KCNAB1: variants seen among roughly 807,000 people sequenced by gnomAD.
The protein encoded by KCNAB1 is potassium voltage-gated channel subfamily A regulatory beta subunit 1.
KCNAB1 carries 35 observed loss-of-function variants against 64.6 expected under a neutral mutation model. That is an observed-to-expected ratio of 0.54 (90% CI 0.41 to 0.72). The LOEUF is 0.72. Among genes scored for constraint, KCNAB1 ranks in the 30% least tolerant of loss-of-function variants. The pLI, the probability that KCNAB1 is intolerant of heterozygous loss-of-function variation, is 0.00. For synonymous variants in KCNAB1, 177 were observed against 183.8 expected (o/e 0.96, Z 0.30); for missense variants, 401 against 512.9 (o/e 0.78, Z 2.11).
At chr3:156,320,709 G>T (rs1180631613) in intron 1 of KCNAB1, among the ~76,000 whole-genome samples, 2 of 152,116 alleles carry the variant, frequency 1.3e-5, no homozygotes, top group African/African-American at 4.8e-5. Context: ...CTCTGGGCTG[G>T]CCTACAAAGA....
In KCNAB1 at chr3:156,531,314, A is replaced by AT; in HGVS notation, c.1082-91dup. The stretch of plus-strand genomic sequence containing the variant: ...ATCCTCCACAAAAAGAAGTTAATAA[A>AT]TTTTGGCTGCAACAAACAGCTGTAG... On this transcript the variant is annotated intron_variant, in intron 12 of 13. Transcript: ENST00000490337. The AT allele has an allele frequency of 3.3e-6, 3 of 912,136 alleles. No individual in the cohort carries two copies. In the South Asian group the frequency reaches 3.9e-5, roughly 12 times the overall value. 56.5% of individuals were successfully genotyped at this position (912,136 alleles called of 1,614,324 possible).
chr3:156,173,148 T>C (rs901175775), intron 1 of KCNAB1, among the ~76,000 whole-genome samples: 2 of 152,200 alleles, frequency 1.3e-5, no homozygotes, highest in Non-Finnish European at 2.9e-5. Flanking sequence ...CAACAGGCAG[T>C]GTTGCTGTCT....
At chr3:156,463,209 G>A (rs534069318) in intron 5 of KCNAB1, among the ~76,000 whole-genome samples, 10 of 152,286 alleles carry the variant, frequency 6.6e-5, no homozygotes, top group Admixed American at 2.6e-4. Context: ...AAGGATCCAT[G>A]TTCCTTGGCA....
chr3:156,448,366 AATC>A (rs1471156881), intron 2 of KCNAB1, among the ~76,000 whole-genome samples: 5 of 152,196 alleles, frequency 3.3e-5, no homozygotes, highest in Admixed American at 3.3e-4. Context: ...GGTTTTTGAG[AATC>A]ATATTAACTA....
At chr3:156,518,812 C>T (rs1488999484) in intron 11 of KCNAB1, among the ~76,000 whole-genome samples, 2 of 152,180 alleles carry the variant, frequency 1.3e-5, no homozygotes, top group African/African-American at 4.8e-5. Flanking sequence ...TCAGCTCTGA[C>T]TTCACTGCTG....
At chr3:156,226,544 A>G (rs1419409271) in intron 1 of KCNAB1, among the ~76,000 whole-genome samples, 1 of 152,146 alleles carries the variant, frequency 6.6e-6, no homozygotes, top group Non-Finnish European at 1.5e-5. Flanking sequence ...TGCACCAAAA[A>G]CAAAGAGAAA....
chr3:156,516,163 T>C, intron 10 of KCNAB1, 107 bp from the exon 11 acceptor site: 1 of 709,574 alleles, frequency 1.4e-6, no homozygotes, highest in Middle Eastern at 2.4e-4. Flanking sequence ...TCTGGCCAGC[T>C]TTTCCCTATA....
rs570999347 is a variant in KCNAB1 at position 156,198,885 on chromosome 3, T to G, written c.275+77999T>G. Among the ~76,000 whole-genome samples the G allele has an allele frequency of 4.0e-5, 6 of 151,042 alleles. No homozygotes were observed. In the East Asian group the frequency reaches 1.2e-3, roughly 29 times the overall value. ...TTGCATATTAATTGATGCAGTTTCT[T>G]CATATTGTCATTGGTCTTTATATTT... On this transcript the variant is annotated intron_variant, in intron 1 of 13. Coordinates refer to ENST00000490337, the MANE Select transcript of KCNAB1 (RefSeq NM_172160.3).
At chr3:156,474,636 C>A in intron 7 of KCNAB1, 98 bp from the exon 8 acceptor site, 2 of 814,070 alleles carry the variant, frequency 2.5e-6, no homozygotes, top group South Asian at 1.5e-5. Context: ...TATTCCAATT[C>A]TATTTTTTTA....
chr3:156,344,526 C>T (rs1339986830), intron 1 of KCNAB1, among the ~76,000 whole-genome samples: 5 of 152,168 alleles, frequency 3.3e-5, no homozygotes, highest in Non-Finnish European at 7.3e-5. Context: ...AATATTTAAA[C>T]AAGCCTTTAC....
At chr3:156,267,440 T>C (rs917518271) in intron 1 of KCNAB1, among the ~76,000 whole-genome samples, 6 of 152,198 alleles carry the variant, frequency 3.9e-5, no homozygotes, top group African/African-American at 9.7e-5. Context: ...ACCAGAATCC[T>C]TGATACAACT....
chr3:156,296,461 T>TCCC (rs9331285), intron 1 of KCNAB1, among the ~76,000 whole-genome samples: 17 of 111,748 alleles, frequency 1.5e-4, no homozygotes, highest in Admixed American at 7.6e-4. Flanking sequence ...AAACTTCAAC[T>TCCC]CCCCCCCCCC....
intron 8 of KCNAB1, among the ~76,000 whole-genome samples, chr3:156,494,523 G>T (rs1715861952): frequency 6.6e-6 from 1 of 152,116 alleles, no homozygotes; most frequent in South Asian, 2.1e-4. Flanking sequence ...TATGAGTGAA[G>T]GACAGCTTGG....
intron 1 of KCNAB1, among the ~76,000 whole-genome samples, chr3:156,167,228 C>T (rs1215221803): frequency 6.6e-6 from 1 of 152,130 alleles, no homozygotes; most frequent in African/African-American, 2.4e-5. Context: ...GGTGGCCAAG[C>T]TTGAGGGTGT....
chr3:156,481,218 G>T (rs1051650114), intron 8 of KCNAB1, among the ~76,000 whole-genome samples: 1 of 151,992 alleles, frequency 6.6e-6, no homozygotes, highest in Non-Finnish European at 1.5e-5. Context: ...GCTGCCCCCT[G>T]AGTATTACTG....
chr3:156,299,743 A>G (rs891382715), intron 1 of KCNAB1, among the ~76,000 whole-genome samples: 3 of 152,158 alleles, frequency 2.0e-5, no homozygotes, highest in Non-Finnish European at 4.4e-5. Flanking sequence ...ATCGACAGCT[A>G]GGGAGGACTC....
chr3:156,172,127 C>T (rs1388205714), intron 1 of KCNAB1, among the ~76,000 whole-genome samples: 1 of 152,148 alleles, frequency 6.6e-6, no homozygotes, highest in African/African-American at 2.4e-5. Flanking sequence ...TGTCAATTTT[C>T]TTCGTATCTG....
chr3:156,447,569 A>G (rs1309611840), intron 2 of KCNAB1, among the ~76,000 whole-genome samples: 1 of 152,214 alleles, frequency 6.6e-6, no homozygotes, highest in Non-Finnish European at 1.5e-5. Flanking sequence ...TAGGGAGACC[A>G]ACCTGCACTA....
intron 1 of KCNAB1, among the ~76,000 whole-genome samples, chr3:156,313,893 A>T (rs981807387): frequency 6.6e-6 from 1 of 152,228 alleles, no homozygotes; most frequent in African/African-American, 2.4e-5. Context: ...GTGTGGCGTG[A>T]AATTCCTTTT....
Sources: allele counts gnomAD v4.1 joint callset (sites outside exome capture counted in the v4.1 genomes callset), GRCh38; gene constraint gnomAD v4.1.1; transcripts MANE v1.5; gene names NCBI Gene and HGNC (gene_info 2026-07-23, HGNC 2026-07-21).